The following HMGB1 variants were observed in gnomAD, a reference collection of about 807,000 sequenced individuals.
The protein encoded by HMGB1 is high mobility group box 1.
For synonymous variants in HMGB1, 81 were observed against 84.0 expected (o/e 0.96, Z 0.19); for missense variants, 79 against 253.5 (o/e 0.31, Z 4.67).
rs1886122830 is a variant in HMGB1, at chr13:30,458,847, C to G, written c.*2510G>C. The G allele has an allele frequency of 6.6e-6, 1 of 152,104 alleles. No homozygotes were observed. Among genetic ancestry groups the G allele is most frequent in the African/African-American group, 2.4e-5 (1 of 41,402 alleles). 9.4% of individuals were successfully genotyped at this position (152,104 alleles called of 1,614,324 possible). A position where few individuals can be genotyped will look rare whatever the true frequency, so the allele number is the denominator to read the frequency against. On this transcript the variant is annotated 3_prime_UTR_variant, in exon 5 of 5. Transcript: ENST00000341423. ...AATTAATAAATACAGCAAACATTAA[C>G]AACACTGTGATGGGACGATCATCAG...
At chr13:30,484,743 A>G (rs1419998345) in intron 1 of HMGB1, among the ~76,000 whole-genome samples, 2 of 151,552 alleles carry the variant, frequency 1.3e-5, no homozygotes, top group African/African-American at 4.8e-5. Flanking sequence ...GAAAAGAAGG[A>G]GGAGGAGTAG....
In HMGB1 at chr13:30,497,821, T is replaced by A. The variant is rs1187166546; in HGVS notation, c.-14-34127A>T. Among the ~76,000 whole-genome samples the A allele has an allele frequency of 4.6e-5, 7 of 152,352 alleles. No homozygotes were observed. In the East Asian group the frequency reaches 1.3e-3, roughly 29 times the overall value. On this transcript the variant is annotated intron_variant, in intron 1 of 4. Transcript: ENST00000405805. ...TATGGCTGGGTAGTATTCCATGGTGTAAATGTACCACATTTTCCTTATCCA... is the reference window on the plus strand; with the variant it reads ...TATGGCTGGGTAGTATTCCATGGTGAAAATGTACCACATTTTCCTTATCCA...
At chr13:30,504,230 C>T (rs1887801725) in intron 1 of HMGB1, among the ~76,000 whole-genome samples, 1 of 152,192 alleles carries the variant, frequency 6.6e-6, no homozygotes, top group African/African-American at 2.4e-5. Flanking sequence ...TACCCCACCC[C>T]AGCCTGTGAC....
chr13:30,518,079 C>T (rs79189948), intron 1 of HMGB1, among the ~76,000 whole-genome samples: 5,884 of 152,184 alleles, frequency 0.039, 193 homozygotes, highest in East Asian at 0.14. Context: ...GCCTGTAATC[C>T]GAACACTTAT....
At chr13:30,605,088 T>C (rs1025420530) in intron 1 of HMGB1, among the ~76,000 whole-genome samples, 8 of 152,072 alleles carry the variant, frequency 5.3e-5, no homozygotes, top group Non-Finnish European at 1.2e-4. Flanking sequence ...CATACGGAGA[T>C]GAGGAAGAAT....
At chr13:30,528,241 T>A (rs541994361) in intron 1 of HMGB1, among the ~76,000 whole-genome samples, 1 of 152,164 alleles carries the variant, frequency 6.6e-6, no homozygotes, top group Non-Finnish European at 1.5e-5. Flanking sequence ...AGGTGGGGAA[T>A]GAGGTGCAGT....
intron 3 of HMGB1, among the ~76,000 whole-genome samples, chr13:30,462,931 T>C (rs553961499): frequency 6.6e-6 from 1 of 152,234 alleles, no homozygotes; most frequent in African/African-American, 2.4e-5. Flanking sequence ...CATTCTACAA[T>C]TACACTATTT....
At chr13:30,481,915 C>T (rs1029995945) in intron 1 of HMGB1, among the ~76,000 whole-genome samples, 3 of 152,084 alleles carry the variant, frequency 2.0e-5, no homozygotes, top group South Asian at 2.1e-4. Context: ...CCACAACCTC[C>T]GCCTCCCAGG....
rs1403886572 is a variant in HMGB1 at position 30,584,001 on chromosome 13, C to A, written c.-15+32670G>T. Among the ~76,000 whole-genome samples the A allele has an allele frequency of 2.8e-5, 4 of 144,330 alleles. No homozygotes were observed. The East Asian group carries it at 8.1e-4, about 29-fold the overall frequency. The allele number at this position is 144,330 out of a possible 152,430, so 94.7% of individuals were successfully genotyped here. A position where few individuals can be genotyped will look rare whatever the true frequency, so the allele number is the denominator to read the frequency against. On this transcript the variant is annotated intron_variant, in intron 1 of 4. Coordinates refer to the HMGB1 transcript ENST00000405805. The stretch of plus-strand genomic sequence containing the variant: ...GTCTGGAGAGAGTGAGACCTTGTCT[C>A]TAAAGAAGAGAAAAGAAAAGAATGA...
At chr13:30,514,893 C>T (rs1888069611) in intron 1 of HMGB1, among the ~76,000 whole-genome samples, 1 of 152,168 alleles carries the variant, frequency 6.6e-6, no homozygotes, top group Non-Finnish European at 1.5e-5. Flanking sequence ...GATGACCTCC[C>T]CTAAGCCTCA....
At chr13:30,600,965 T>C (rs1231354266) in intron 1 of HMGB1, among the ~76,000 whole-genome samples, 1 of 152,148 alleles carries the variant, frequency 6.6e-6, no homozygotes, top group Non-Finnish European at 1.5e-5. Context: ...CATGTATACA[T>C]CCAGATGGCC....
intron 1 of HMGB1, among the ~76,000 whole-genome samples, chr13:30,478,649 G>T (rs775317665): frequency 6.6e-5 from 10 of 152,078 alleles, no homozygotes; most frequent in Non-Finnish European, 1.3e-4. Context: ...ATTTCTGATG[G>T]AAGATAATCT....
intron 1 of HMGB1, among the ~76,000 whole-genome samples, chr13:30,571,830 T>C (rs1049671660): frequency 1.3e-5 from 2 of 152,142 alleles, no homozygotes; most frequent in African/African-American, 2.4e-5. Context: ...TATATTTTTA[T>C]AGTATAATAA....
At chr13:30,553,728 C>A in intron 1 of HMGB1, 1 of 1,230,814 alleles carries the variant, frequency 8.1e-7, no homozygotes, top group South Asian at 1.2e-5. Flanking sequence ...TCGCTGGCAG[C>A]TGCCGTACTT....
At position 30,461,676 on chromosome 13, in the gene HMGB1, G is replaced by A. The variant is rs768880165; in HGVS notation, c.472-143C>T. The A allele has an allele frequency of 4.4e-6, 7 of 1,580,532 alleles. No homozygotes were observed. In the South Asian group the frequency reaches 4.6e-5, roughly 10 times the overall value. Reference sequence around the variant, plus strand: ...TATCTGTAGATCCACAGCAACTCCAGAAATAACTAGAACTTCAATAAATGA... The same window carrying A: ...TATCTGTAGATCCACAGCAACTCCAAAAATAACTAGAACTTCAATAAATGA... On this transcript the variant is annotated intron_variant, in intron 4 of 4. Coordinates refer to ENST00000341423, the MANE Select transcript of HMGB1 (RefSeq NM_002128.7).
At chr13:30,566,723 A>G (rs534511110) in intron 1 of HMGB1, among the ~76,000 whole-genome samples, 1 of 152,350 alleles carries the variant, frequency 6.6e-6, no homozygotes, top group Admixed American at 6.5e-5. Context: ...AAGTTATTCT[A>G]TATAACAAAG....
At chr13:30,468,040 T>G (rs567002820), upstream of HMGB1, among the ~76,000 whole-genome samples, 1 of 152,356 alleles carries the variant, frequency 6.6e-6, no homozygotes, top group South Asian at 2.1e-4. Flanking sequence ...ATCTTGGGCA[T>G]GTTTTTAAAC....
At chr13:30,550,588 C>T (rs1869382100) in intron 1 of HMGB1, among the ~76,000 whole-genome samples, 1 of 152,130 alleles carries the variant, frequency 6.6e-6, no homozygotes, top group African/African-American at 2.4e-5. Context: ...CACTACCCAC[C>T]AGAGGAACTG....
intron 1 of HMGB1, among the ~76,000 whole-genome samples, chr13:30,597,107 T>C (rs1457999048): frequency 6.6e-6 from 1 of 152,230 alleles, no homozygotes; most frequent in Non-Finnish European, 1.5e-5. Context: ...TTACAAAAGA[T>C]GCTGAAGTCC....
Sources: gnomAD v4.1 joint callset for allele counts (sites outside exome capture counted in the v4.1 genomes callset) on GRCh38, gnomAD v4.1.1 for gene constraint, MANE v1.5 for transcripts, NCBI Gene and HGNC (gene_info 2026-07-23, HGNC 2026-07-21) for gene names.